ADAMTS17: variants seen among roughly 807,000 people sequenced by gnomAD.
ADAMTS17 encodes ADAM metallopeptidase with thrombospondin type 1 motif 17.
A neutral mutation model predicts 141.5 loss-of-function variants in ADAMTS17; 113 were observed. The ratio of observed to expected loss-of-function variants is 0.80; its 90% CI spans 0.69 to 0.93. The LOEUF is 0.93. ADAMTS17 is among the 40% of genes least tolerant of loss of function. The pLI, the probability that ADAMTS17 is intolerant of heterozygous loss-of-function variation, is 0.00. For missense variants in ADAMTS17, 1,659 were observed against 1,517.9 expected, an observed-to-expected ratio of 1.09 and a Z score of -1.54; for synonymous variants, 768 against 630.6, an observed-to-expected ratio of 1.22 and a Z score of -3.27.
chr15:99,988,349 CTCTCCCTCTT>C (rs1215651766), intron 20 of ADAMTS17, among the ~76,000 whole-genome samples: 2 of 152,058 alleles, frequency 1.3e-5, no homozygotes, highest in Admixed American at 6.6e-5. Flanking sequence ...TCTGCCCTCT[CTCTCCCTCTT>C]TCACCATATG....
intron 4 of ADAMTS17, among the ~76,000 whole-genome samples, chr15:100,270,154 G>A (rs8042085): frequency 0.55 from 84,159 of 151,868 alleles, 24,195 homozygotes; most frequent in East Asian, 0.91. Flanking sequence ...TGTGACTCTG[G>A]AGCCATTTCT....
chr15:100,327,257 A>G (rs751569307), intron 3 of ADAMTS17, among the ~76,000 whole-genome samples: 5 of 152,250 alleles, frequency 3.3e-5, no homozygotes, highest in Non-Finnish European at 7.3e-5. Flanking sequence ...CGCAGTTTCT[A>G]CAGAGTTATA....
chr15:100,296,581 GT>G (rs2044825856), intron 3 of ADAMTS17, among the ~76,000 whole-genome samples: 1 of 130,770 alleles, frequency 7.6e-6, no homozygotes, highest in African/African-American at 3.7e-5. Context: ...GTGAGGGGGG[GT>G]GTGTGTGTGT....
At chr15:100,205,863 A>G (rs1454852988) in intron 7 of ADAMTS17, among the ~76,000 whole-genome samples, 3 of 152,188 alleles carry the variant, frequency 2.0e-5, no homozygotes. Flanking sequence ...TCAGGGCCTG[A>G]AGGGTGGGCG....
chr15:100,091,010 C>CAACAAAAAAAAAAAA lies in ADAMTS17; in HGVS notation c.2137+5345_2137+5346insTTTTTTTTTTTTGTT, dbSNP rs1555446585. ...GAGGCAGAGTGAGACTCCGTCTCAA[C>CAACAAAAAAAAAAAA]AAAAAAAAAAAAAAAAAAGGGTAAC... On this transcript the variant is annotated intron_variant, in intron 15 of 21. Transcript: ENST00000268070. 3.5e-3 allele frequency among the ~76,000 whole-genome samples: 190 copies of CAACAAAAAAAAAAAA among 54,540 alleles called. 3 individuals are homozygous for CAACAAAAAAAAAAAA. Among genetic ancestry groups the CAACAAAAAAAAAAAA allele is most frequent in the Admixed American group, 0.029 (136 of 4,674 alleles). 35.8% of individuals were successfully genotyped at this position (54,540 alleles called of 152,430 possible). A position where few individuals can be genotyped will look rare whatever the true frequency, so the allele number is the denominator to read the frequency against.
chr15:100,341,872 G>A lies in ADAMTS17; in HGVS notation c.28C>T (p.Leu10Phe). The change falls in exon 1 of 22, where the codon CTC becomes TTC. Residue 10 changes from leucine (L) to phenylalanine (F), a missense_variant. Coordinates refer to ENST00000268070, the MANE Select transcript of ADAMTS17 (RefSeq NM_139057.4). The part of the protein sequence containing the change: MCDGALLPP[L>F]VLPVLLLLVW... ...AGCAGCAGCAGCACGGGCAGGACGA[G>A]CGGAGGCAGCAGGGCGCCGTCACAC... The A allele has an allele frequency of 6.4e-7, 1 of 1,552,474 alleles. No homozygotes were observed. The highest frequency in any genetic ancestry group is 8.7e-7 in the Non-Finnish European group (1 of 1,148,000).
intron 15 of ADAMTS17, chr15:100,074,039 A>G (rs921757973): frequency 2.0e-4 from 31 of 152,552 alleles, no homozygotes; most frequent in African/African-American, 7.0e-4. Context: ...TATCACAATA[A>G]TATCTACCAC....
At chr15:100,055,443 C>T (rs545870984) in intron 15 of ADAMTS17, among the ~76,000 whole-genome samples, 15 of 152,314 alleles carry the variant, frequency 9.8e-5, no homozygotes, top group African/African-American at 1.9e-4. Context: ...TCCCACTGCT[C>T]GCTCCCGGCA....
intron 7 of ADAMTS17, among the ~76,000 whole-genome samples, chr15:100,224,020 T>C (rs953138853): frequency 6.6e-5 from 10 of 152,032 alleles, no homozygotes; most frequent in African/African-American, 2.2e-4. Flanking sequence ...CCATCTCTCC[T>C]TTTCACGTTT....
intron 18 of ADAMTS17, among the ~76,000 whole-genome samples, chr15:100,021,737 C>T (rs926429626): frequency 6.6e-6 from 1 of 152,304 alleles, no homozygotes; most frequent in South Asian, 2.1e-4. Context: ...AAAAGAAGTA[C>T]CAGGGTAGAT....
chr15:100,072,124 A>T (rs2034018137), intron 15 of ADAMTS17, among the ~76,000 whole-genome samples: 1 of 150,204 alleles, frequency 6.7e-6, no homozygotes, highest in Non-Finnish European at 1.5e-5. Flanking sequence ...AGATAAACAG[A>T]GAGCCAAATC....
At chr15:100,086,666 T>C (rs1414353645) in intron 15 of ADAMTS17, among the ~76,000 whole-genome samples, 1 of 151,840 alleles carries the variant, frequency 6.6e-6, no homozygotes, top group East Asian at 1.9e-4. Context: ...GCAATCAAAC[T>C]AGAACTCAGG....
chr15:100,058,194 CCCAGCTCCAACACCCCTATT>C lies in ADAMTS17; in HGVS notation c.2138-4160_2138-4141del, dbSNP rs1268974980. ...CCTATCCCGGCTCTAACACCCCTATCCCAGCTCCAACACCCCTATTCCGGCTCCAACACTCCTATCCCAGC... is the reference window on the plus strand; with the variant it reads ...CCTATCCCGGCTCTAACACCCCTATCCCGGCTCCAACACTCCTATCCCAGC... On this transcript the variant is annotated intron_variant, in intron 15 of 21. Transcript: ENST00000268070. Among the ~76,000 whole-genome samples, 11 of 27,698 alleles carry C rather than the reference CCCAGCTCCAACACCCCTATT, an allele frequency of 4.0e-4. 1 individual carries two copies. Among genetic ancestry groups the C allele is most frequent in the South Asian group, 1.6e-3 (1 of 630 alleles). The allele number at this position is 27,698 out of a possible 152,430, so 18.2% of individuals were successfully genotyped here.
At position 99,973,611 on chromosome 15, in the gene ADAMTS17, TTTC is replaced by T. The variant is rs1343168881; in HGVS notation, c.*788_*790del. 6.6e-6 allele frequency: 1 copy of T among 152,304 alleles called. No homozygotes were observed. The highest frequency in any genetic ancestry group is 1.5e-5 in the Non-Finnish European group (1 of 68,160). 9.4% of individuals were successfully genotyped at this position (152,304 alleles called of 1,614,324 possible). A position where few individuals can be genotyped will look rare whatever the true frequency, so the allele number is the denominator to read the frequency against. The stretch of plus-strand genomic sequence containing the variant: ...AGCAACCCCATCACCGCAATTACCG[TTTC>T]TTATGTCACAGCACCTTGAAGAGAG... On this transcript the variant is annotated 3_prime_UTR_variant, in exon 22 of 22. Coordinates refer to ENST00000268070, the MANE Select transcript of ADAMTS17 (RefSeq NM_139057.4).
chr15:100,203,555 A>G (rs1024062753), intron 7 of ADAMTS17, among the ~76,000 whole-genome samples: 2 of 152,294 alleles, frequency 1.3e-5, no homozygotes, highest in East Asian at 1.9e-4. Context: ...AATACAAAAA[A>G]TTAGCCGGGT....
chr15:100,269,190 G>A (rs555911381), intron 4 of ADAMTS17, among the ~76,000 whole-genome samples: 18 of 152,176 alleles, frequency 1.2e-4, no homozygotes, highest in Admixed American at 4.6e-4. Flanking sequence ...AGAAAACATC[G>A]GAAATACCTT....
chr15:100,183,283 G>A (rs1341770757), intron 8 of ADAMTS17, among the ~76,000 whole-genome samples: 1 of 152,184 alleles, frequency 6.6e-6, no homozygotes. Context: ...GAACCACCAT[G>A]CTTCTGGGAT....
intron 7 of ADAMTS17, among the ~76,000 whole-genome samples, chr15:100,212,370 C>T (rs1415609323): frequency 2.6e-5 from 4 of 152,190 alleles, no homozygotes; most frequent in Non-Finnish European, 5.9e-5. Flanking sequence ...CAGGAGAAGC[C>T]TGCCAACTAC....
intron 15 of ADAMTS17, among the ~76,000 whole-genome samples, chr15:100,065,599 C>T (rs572623401): frequency 2.6e-4 from 39 of 152,202 alleles, no homozygotes; most frequent in African/African-American, 8.4e-4. Context: ...GCGGCATACT[C>T]GTGTAATTCA....
Sources: allele counts gnomAD v4.1 joint callset (sites outside exome capture counted in the v4.1 genomes callset), GRCh38; gene constraint gnomAD v4.1.1; transcripts MANE v1.5; gene names NCBI Gene and HGNC (gene_info 2026-07-23, HGNC 2026-07-21).